CFTR: variants seen among roughly 807,000 people sequenced by gnomAD.
CFTR encodes cystic fibrosis transmembrane conductance regulator.
In CFTR, 181 loss-of-function variants were observed where a neutral mutation model predicts 171.6. The ratio of observed to expected loss-of-function variants is 1.05; its 90% CI spans 0.93 to 1.19. CFTR has a LOEUF of 1.19. Among genes scored for constraint, CFTR ranks in the 50% most tolerant of loss-of-function variants. The probability of loss-of-function intolerance (pLI) is 0.00; values close to 1 mark genes in which losing one functional copy is unlikely to be tolerated. For synonymous variants in CFTR, 583 were observed against 608.0 expected (o/e 0.96, Z 0.60); for missense variants, 1,968 against 1,734.7 (o/e 1.13, Z -2.39).
intron 17 of CFTR, chr7:117,605,131 T>G (rs1167822028): frequency 6.6e-6 from 1 of 152,202 alleles, no homozygotes; most frequent in Non-Finnish European, 1.5e-5. Flanking sequence ...CCACAGAGGG[T>G]GCACTGGCCA....
At chr7:117,512,192 A>G (rs1256768577) in intron 3 of CFTR, among the ~76,000 whole-genome samples, 1 of 152,228 alleles carries the variant, frequency 6.6e-6, no homozygotes, top group Non-Finnish European at 1.5e-5. Context: ...AGGAGGTGCC[A>G]TCATGAAGGA....
In CFTR at chr7:117,610,517, A is replaced by G. The variant is rs193922515; in HGVS notation, c.2989-2A>G. 1.2e-6 allele frequency: 2 copies of G among 1,612,468 alleles called. No individual in the cohort carries two copies. Among genetic ancestry groups the G allele is most frequent in the East Asian group, 2.2e-5 (1 of 44,830 alleles). ...ACCAACATGTTTTCTTTGATCTTAC[A>G]GTTGTTATTAATTGTGATTGGAGCT... On this transcript the variant is annotated splice_acceptor_variant, in intron 18 of 26. Coordinates refer to ENST00000003084, the MANE Select transcript of CFTR (RefSeq NM_000492.4). LOFTEE classifies it high-confidence loss of function.
rs368395665 is a variant in CFTR, at chr7:117,541,537, TCA to T, written c.1117-476_1117-475del. Reference sequence around the variant, plus strand: ...CTCTAATAGAGCCCTTCTTTTAGAATCACAGTTTGATGCCTTAAAACTAGTTA... The same window carrying T: ...CTCTAATAGAGCCCTTCTTTTAGAATCAGTTTGATGCCTTAAAACTAGTTA... On this transcript the variant is annotated intron_variant, in intron 8 of 26. Transcript: ENST00000003084. 3.9e-3 allele frequency among the ~76,000 whole-genome samples: 599 copies of T among 152,334 alleles called. 6 individuals are homozygous for T. Among genetic ancestry groups the T allele is most frequent in the African/African-American group, 0.013 (561 of 41,580 alleles).
At chr7:117,583,025 T>C (rs1287520261) in intron 11 of CFTR, among the ~76,000 whole-genome samples, 1 of 152,146 alleles carries the variant, frequency 6.6e-6, no homozygotes, top group Non-Finnish European at 1.5e-5. Context: ...CCTATTTCCT[T>C]GACTTGTTTA....
intron 4 of CFTR, among the ~76,000 whole-genome samples, chr7:117,532,353 GCGAT>G (rs2116672342): frequency 6.6e-6 from 1 of 152,300 alleles, no homozygotes; most frequent in South Asian, 2.1e-4. Context: ...AAGCTTTTAA[GCGAT>G]TGGGTACACT....
At chr7:117,643,927 T>C (rs911447610) in intron 23 of CFTR, among the ~76,000 whole-genome samples, 3 of 152,180 alleles carry the variant, frequency 2.0e-5, no homozygotes, top group Non-Finnish European at 4.4e-5. Context: ...TACTATGTAG[T>C]AGAGAGGTTT....
intron 11 of CFTR, among the ~76,000 whole-genome samples, chr7:117,575,191 T>G (rs2115984026): frequency 6.6e-6 from 1 of 152,220 alleles, no homozygotes; most frequent in East Asian, 1.9e-4. Flanking sequence ...GAAATAGCCA[T>G]ACAATTTATA....
intron 24 of CFTR, among the ~76,000 whole-genome samples, chr7:117,657,499 C>A (rs1180107750): frequency 6.6e-6 from 1 of 152,078 alleles, no homozygotes; most frequent in Non-Finnish European, 1.5e-5. Context: ...CAAGTATCAG[C>A]CTAGAGAAGC....
At chr7:117,604,604 A>G (rs930689795) in intron 17 of CFTR, among the ~76,000 whole-genome samples, 3 of 152,348 alleles carry the variant, frequency 2.0e-5, no homozygotes, top group African/African-American at 7.2e-5. Flanking sequence ...TCAGAAATCT[A>G]AAAAACTCAA....
chr7:117,583,562 T>G (rs1667524103), intron 11 of CFTR, among the ~76,000 whole-genome samples: 1 of 152,322 alleles, frequency 6.6e-6, no homozygotes, highest in East Asian at 1.9e-4. Flanking sequence ...ATTTTCTTTA[T>G]CCACTTGTTG....
intron 11 of CFTR, among the ~76,000 whole-genome samples, chr7:117,566,599 T>TAA (rs74273928): frequency 2.6e-4 from 36 of 140,446 alleles, no homozygotes; most frequent in African/African-American, 6.7e-4. Context: ...AGCAATAACT[T>TAA]AAAAAAAAAA....
chr7:117,556,169 A>G (rs563047411), intron 10 of CFTR, among the ~76,000 whole-genome samples: 2 of 152,164 alleles, frequency 1.3e-5, no homozygotes, highest in African/African-American at 4.8e-5. Flanking sequence ...GGCTCAAGCA[A>G]TTCTCCTGCC....
chr7:117,580,073 A>G (rs1365340562), intron 11 of CFTR, among the ~76,000 whole-genome samples: 2 of 152,038 alleles, frequency 1.3e-5, no homozygotes, highest in Non-Finnish European at 1.5e-5. Context: ...AAATACAGGA[A>G]TTCCAATTTC....
In CFTR at chr7:117,540,146, A is replaced by T; in HGVS notation, c.916A>T (p.Asn306Tyr). Reference protein sequence around the residue: ...TRKAAYVRYFNSSAFFFSGFF... With the variant: ...TRKAAYVRYFYSSAFFFSGFF... ...GAAGGCAGCCTATGTGAGATACTTC[A>T]ATAGCTCAGCCTTCTTCTTCTCAGG... The change falls in exon 8 of 27, where the codon AAT (asparagine) becomes TAT (tyrosine). Residue 306 changes from asparagine to tyrosine, a missense_variant. Transcript: ENST00000003084. 6.2e-7 allele frequency: 1 copy of T among 1,613,782 alleles called. No individual in the cohort carries two copies. Among genetic ancestry groups the T allele is most frequent in the Non-Finnish European group, 8.5e-7 (1 of 1,179,698 alleles).
In CFTR at chr7:117,562,018, A is replaced by G. The variant is rs115773014; in HGVS notation, c.1584+2363A>G. Among the ~76,000 whole-genome samples the G allele has an allele frequency of 5.9e-3, 906 of 152,308 alleles. 7 individuals are homozygous for G. Among genetic ancestry groups the G allele is most frequent in the African/African-American group, 0.02 (844 of 41,568 alleles). The stretch of plus-strand genomic sequence containing the variant: ...GATTGATGTGAAGAAGTGGGAGATT[A>G]ATGAGTAAATGGTCACTGGCTTGTT... On this transcript the variant is annotated intron_variant, in intron 11 of 26. Coordinates refer to ENST00000003084, the MANE Select transcript of CFTR (RefSeq NM_000492.4).
chr7:117,574,168 G>A lies in CFTR; in HGVS notation c.1585-13571G>A, dbSNP rs563534852. ...CTCTTAGTAATCAGCAAAGATAAAT[G>A]TTTAACAGTGCATACAAAATGAAGT... On this transcript the variant is annotated intron_variant, in intron 11 of 26. Coordinates refer to ENST00000003084, the MANE Select transcript of CFTR (RefSeq NM_000492.4). 1.6e-3 allele frequency among the ~76,000 whole-genome samples: 243 copies of A among 152,088 alleles called. 1 individual carries two copies. The highest frequency in any genetic ancestry group is 4.5e-3 in the African/African-American group (185 of 41,536).
intron 21 of CFTR, among the ~76,000 whole-genome samples, chr7:117,621,407 A>G (rs960644515): frequency 6.6e-6 from 1 of 152,196 alleles, no homozygotes; most frequent in African/African-American, 2.4e-5. Context: ...AACTCAACTC[A>G]GTCTTTGTAG....
chr7:117,493,564 A>G (rs1265325078), intron 1 of CFTR, among the ~76,000 whole-genome samples: 1 of 152,000 alleles, frequency 6.6e-6, no homozygotes, highest in Non-Finnish European at 1.5e-5. Flanking sequence ...AAGCTTTGCT[A>G]TTGATCTCCC....
In CFTR at chr7:117,540,155, G is replaced by A. The variant is rs148013312; in HGVS notation, c.925G>A (p.Ala309Thr). Residue 309 changes from alanine to threonine, a missense_variant, in exon 8 of 27, where the codon GCC (alanine) becomes ACC (threonine). Coordinates refer to ENST00000003084, the MANE Select transcript of CFTR (RefSeq NM_000492.4). ...AAYVRYFNSS[A>T]FFFSGFFVVF... ...CTATGTGAGATACTTCAATAGCTCAGCCTTCTTCTTCTCAGGGTTCTTTGT... is the reference window on the plus strand; with the variant it reads ...CTATGTGAGATACTTCAATAGCTCAACCTTCTTCTTCTCAGGGTTCTTTGT... The A allele has an allele frequency of 4.6e-5, 75 of 1,613,658 alleles. No homozygotes were observed. The highest frequency in any genetic ancestry group is 6.1e-5 in the Non-Finnish European group (72 of 1,179,734).
Sources: gnomAD v4.1 joint callset for allele counts (sites outside exome capture counted in the v4.1 genomes callset) on GRCh38, gnomAD v4.1.1 for gene constraint, MANE v1.5 for transcripts, NCBI Gene and HGNC (gene_info 2026-07-23, HGNC 2026-07-21) for gene names.